The following CDH26 variants were observed in gnomAD, a reference collection of about 807,000 sequenced individuals.
CDH26 encodes the protein cadherin 26.
Under a neutral mutation model 90.3 loss-of-function variants are expected in CDH26, and 83 were observed. The observed-to-expected ratio is 0.92, with a 90% confidence interval of 0.77 to 1.10. CDH26 has a LOEUF of 1.10. Among genes scored for constraint, CDH26 ranks in the 50% least tolerant of loss-of-function variants. The pLI is 0.00. For synonymous variants in CDH26, 397 were observed against 396.3 expected (o/e 1.00, Z -0.02); for missense variants, 1,013 against 1,037.6 (o/e 0.98, Z 0.33).
intron 1 of CDH26, among the ~76,000 whole-genome samples, chr20:59,960,379 A>T (rs1271381658): frequency 6.7e-6 from 1 of 150,240 alleles, no homozygotes; most frequent in African/African-American, 2.5e-5. Context: ...ATCAGAATGG[A>T]GTTCCTTATG....
intron 17 of CDH26, among the ~76,000 whole-genome samples, chr20:60,011,441 TA>T (rs2061840164): frequency 6.6e-6 from 1 of 152,206 alleles, no homozygotes; most frequent in Non-Finnish European, 1.5e-5. Context: ...TGTTTTGAAA[TA>T]TACGATAAAA....
intron 1 of CDH26, among the ~76,000 whole-genome samples, chr20:59,959,430 C>T (rs2061039210): frequency 6.7e-6 from 1 of 149,676 alleles, no homozygotes; most frequent in Non-Finnish European, 1.5e-5. Flanking sequence ...TTTTTTGAGA[C>T]AGGGTCTCGT....
At chr20:59,995,746 G>C in intron 11 of CDH26, 87 bp from the exon 12 acceptor site, 2 of 1,228,752 alleles carry the variant, frequency 1.6e-6, no homozygotes, top group South Asian at 2.5e-5. Flanking sequence ...ACAGAGCTTG[G>C]CCCGTGCAGG....
At position 59,970,105 on chromosome 20, in the gene CDH26, G is replaced by A; in HGVS notation, c.150G>A (p.Arg50=). ...QTKEKIYQPL[R]RSKRRWVITT... is the part of the protein sequence containing the mutation. ...AGGAAAAGATCTACCAGCCTCTACG[G>A]CGATCCAAGAGAAGATGGGTTATCA... The change falls in exon 3 of 18, where the codon CGG becomes CGA. Residue 50 remains arginine (R), a synonymous_variant. Transcript: ENST00000348616. The A allele has an allele frequency of 1.9e-6, 3 of 1,613,932 alleles. No individual in the cohort carries two copies. Among genetic ancestry groups the A allele is most frequent in the Non-Finnish European group, 2.5e-6 (3 of 1,179,904 alleles).
rs757720738 is a variant in CDH26, at chr20:59,988,887, T to C, written c.1024-17T>C. On this transcript the variant is annotated splice_polypyrimidine_tract_variant and intron_variant, in intron 8 of 17. Coordinates refer to ENST00000348616, the MANE Select transcript of CDH26 (RefSeq NM_177980.4). ...GGAGCAGCAGGTGCTAATGAAATCC[T>C]CTCTCTGGGGTTCCAGCCTTTGGAT... The C allele has an allele frequency of 1.9e-6, 3 of 1,610,140 alleles. No individual in the cohort carries two copies. The South Asian group carries it at 3.3e-5, about 18-fold the overall frequency.
chr20:60,008,976 G>T (rs763742838), intron 17 of CDH26, among the ~76,000 whole-genome samples: 40 of 152,334 alleles, frequency 2.6e-4, no homozygotes, highest in Middle Eastern at 3.4e-3. Flanking sequence ...GGTCCTGACT[G>T]CTGGTGAGGA....
chr20:59,962,597 C>T (rs950227814), intron 1 of CDH26, among the ~76,000 whole-genome samples: 18 of 152,190 alleles, frequency 1.2e-4, no homozygotes, highest in Non-Finnish European at 2.9e-5. Flanking sequence ...TTAAGAATTA[C>T]ATCTGCAAAT....
intron 4 of CDH26, among the ~76,000 whole-genome samples, chr20:59,972,960 C>T (rs1467956285): frequency 6.6e-6 from 1 of 152,168 alleles, no homozygotes; most frequent in Non-Finnish European, 1.5e-5. Flanking sequence ...GAAAATTGTT[C>T]TAAAACTCCA....
chr20:60,023,782 C>T (rs2061976102), intron 7 of CDH26, among the ~76,000 whole-genome samples: 1 of 152,156 alleles, frequency 6.6e-6, no homozygotes, highest in African/African-American at 2.4e-5. Flanking sequence ...CTGTGTTTCA[C>T]AAACTATATC....
chr20:60,018,221 T>C (rs1437324971), downstream of CDH26, among the ~76,000 whole-genome samples: 1 of 152,092 alleles, frequency 6.6e-6, no homozygotes, highest in Non-Finnish European at 1.5e-5. Context: ...CCAACTATTA[T>C]TGTATTGGGG....
chr20:60,005,299 C>T (rs1471483806), intron 16 of CDH26, among the ~76,000 whole-genome samples: 1 of 152,106 alleles, frequency 6.6e-6, no homozygotes, highest in African/African-American at 2.4e-5. Flanking sequence ...AAGTTATAGG[C>T]ATGTTTTCAA....
At chr20:60,008,693 G>A (rs2061787087) in intron 17 of CDH26, among the ~76,000 whole-genome samples, 1 of 152,164 alleles carries the variant, frequency 6.6e-6, no homozygotes, top group Admixed American at 6.5e-5. Context: ...ACTGTCTGGG[G>A]TTTCCCCAAT....
intron 7 of CDH26, among the ~76,000 whole-genome samples, chr20:60,027,303 C>T (rs895768319): frequency 8.6e-5 from 13 of 151,906 alleles, no homozygotes; most frequent in South Asian, 2.1e-4. Context: ...TTTTTTCCCT[C>T]GATATAGAAA....
intron 1 of CDH26, among the ~76,000 whole-genome samples, chr20:59,963,199 C>A (rs892756762): frequency 7.3e-5 from 11 of 151,342 alleles, no homozygotes; most frequent in Non-Finnish European, 1.5e-4. Context: ...ATGCAGACTC[C>A]AGAGCATAAA....
At chr20:59,981,985 G>C (rs2061400725) in intron 4 of CDH26, among the ~76,000 whole-genome samples, 1 of 152,010 alleles carries the variant, frequency 6.6e-6, no homozygotes, top group Non-Finnish European at 1.5e-5. Context: ...TCTTGAGAAA[G>C]TTTTCGTAGT....
rs530252960 is a variant in CDH26 at position 59,972,101 on chromosome 20, G to A, written c.371G>A (p.Arg124Gln). The A allele has an allele frequency of 1.6e-5, 26 of 1,613,726 alleles. No individual in the cohort carries two copies. Among genetic ancestry groups the A allele is most frequent in the African/African-American group, 4.0e-5 (3 of 75,004 alleles). The change falls in exon 4 of 18, where the codon CGA becomes CAA. Residue 124 changes from arginine (R) to glutamine (Q), a missense_variant. Arg to Gln is a conservative substitution (Grantham distance 43, BLOSUM62 1). Transcript: ENST00000348616. ...ATATATGTTCACCGCCCTGTCGATCGAGAAATGACACCATCTTTCACGGTA... is the reference window on the plus strand; with the variant it reads ...ATATATGTTCACCGCCCTGTCGATCAAGAAATGACACCATCTTTCACGGTA... ...GRIYVHRPVD[R>Q]EMTPSFTVYF...
At chr20:59,994,799 G>T (rs965472918) in intron 11 of CDH26, among the ~76,000 whole-genome samples, 1 of 152,164 alleles carries the variant, frequency 6.6e-6, no homozygotes, top group Non-Finnish European at 1.5e-5. Context: ...TGACGTCACT[G>T]TTTGGCCTGG....
chr20:59,989,255 G>A (rs1050936908), intron 9 of CDH26, 92 bp downstream of exon 9: 36 of 1,536,756 alleles, frequency 2.3e-5, no homozygotes, highest in Middle Eastern at 2.2e-4. Flanking sequence ...TCGGCCGGGC[G>A]CGGTGGCTCA....
At chr20:59,978,562 TG>T (rs1287882229) in intron 4 of CDH26, among the ~76,000 whole-genome samples, 1 of 151,856 alleles carries the variant, frequency 6.6e-6, no homozygotes, top group Non-Finnish European at 1.5e-5. Context: ...TTTGTAAAGG[TG>T]GGGTTTCACT....
Sources: allele counts gnomAD v4.1 joint callset (sites outside exome capture counted in the v4.1 genomes callset), GRCh38; gene constraint gnomAD v4.1.1; transcripts MANE v1.5; gene names NCBI Gene and HGNC (gene_info 2026-07-23, HGNC 2026-07-21).